FBXO36: variants seen among roughly 807,000 people sequenced by gnomAD.
FBXO36 encodes F-box protein 36.
A neutral mutation model predicts 17.0 loss-of-function variants in FBXO36; 18 were observed. That is an observed-to-expected ratio of 1.06 (90% CI 0.73 to 1.57). The LOEUF is 1.57. FBXO36 is among the 40% of genes most tolerant of loss of function. The pLI, the probability that FBXO36 is intolerant of heterozygous loss-of-function variation, is 0.00. For missense variants in FBXO36, 229 were observed against 221.9 expected (o/e 1.03, Z -0.20); for synonymous variants, 83 against 85.3 (o/e 0.97, Z 0.15).
intron 1 of FBXO36, among the ~76,000 whole-genome samples, chr2:229,954,779 C>T (rs1055293723): frequency 6.7e-5 from 10 of 150,074 alleles, no homozygotes; most frequent in Non-Finnish European, 1.3e-4. Flanking sequence ...AATCTCCTGA[C>T]CTCGTGATCC....
intron 1 of FBXO36, among the ~76,000 whole-genome samples, chr2:229,933,892 G>T (rs1006963298): frequency 6.6e-6 from 1 of 151,792 alleles, no homozygotes; most frequent in African/African-American, 2.4e-5. Context: ...TGCCATGTTG[G>T]CCAGGCTGGT....
intron 3 of FBXO36, among the ~76,000 whole-genome samples, chr2:230,001,709 G>A (rs2077359758): frequency 6.6e-6 from 1 of 152,168 alleles, no homozygotes; most frequent in South Asian, 2.1e-4. Flanking sequence ...CTTTACCTCA[G>A]GGAGGGAGTT....
At chr2:229,951,117 T>C (rs2077055346) in intron 1 of FBXO36, among the ~76,000 whole-genome samples, 1 of 151,614 alleles carries the variant, frequency 6.6e-6, no homozygotes, top group Admixed American at 6.6e-5. Context: ...GTATTTTTAG[T>C]AGAGACAGGG....
In FBXO36 at chr2:230,011,904, G is replaced by A. The variant is rs1372113882; in HGVS notation, c.*1020G>A. On this transcript the variant is annotated 3_prime_UTR_variant, in exon 4 of 4. Transcript: ENST00000283946. The stretch of plus-strand genomic sequence containing the variant: ...TGTTAACATGGCAGAGGGGTAAAAA[G>A]AATACAGTCCTGGGGAGAAAGGTCA... The A allele has an allele frequency of 6.6e-6, 1 of 150,966 alleles. No individual in the cohort carries two copies. Among genetic ancestry groups the A allele is most frequent in the Non-Finnish European group, 1.5e-5 (1 of 68,018 alleles). The allele number at this position is 150,966 out of a possible 1,614,324, so 9.4% of individuals were successfully genotyped here.
chr2:229,961,515 A>G (rs2077120977), intron 1 of FBXO36, among the ~76,000 whole-genome samples: 1 of 152,114 alleles, frequency 6.6e-6, no homozygotes, highest in Admixed American at 6.6e-5. Context: ...AGCTGGAACT[A>G]CGGGCGCATG....
At chr2:229,936,732 G>C (rs750688279) in intron 1 of FBXO36, among the ~76,000 whole-genome samples, 3 of 152,060 alleles carry the variant, frequency 2.0e-5, no homozygotes, top group Non-Finnish European at 4.4e-5. Flanking sequence ...TGAGCCAAGC[G>C]TGGTGGCATG....
chr2:230,001,565 G>T (rs533803893), intron 3 of FBXO36, among the ~76,000 whole-genome samples: 12 of 152,258 alleles, frequency 7.9e-5, no homozygotes, highest in African/African-American at 2.6e-4. Context: ...TGGGATTGCA[G>T]GCATGAGCCA....
chr2:229,995,578 C>G (rs1315486771), intron 2 of FBXO36, among the ~76,000 whole-genome samples: 5 of 111,524 alleles, frequency 4.5e-5, no homozygotes, highest in African/African-American at 1.2e-4. Flanking sequence ...TTCTTTCTTT[C>G]TTTCTCTTTC....
intron 2 of FBXO36, among the ~76,000 whole-genome samples, chr2:229,995,534 C>A (rs949703049): frequency 6.7e-6 from 1 of 149,856 alleles, no homozygotes; most frequent in Middle Eastern, 3.2e-3. Flanking sequence ...CTCTTTGCCT[C>A]TTTATATTTT....
At chr2:229,945,709 GT>G (rs1311323611) in intron 1 of FBXO36, among the ~76,000 whole-genome samples, 4 of 152,078 alleles carry the variant, frequency 2.6e-5, no homozygotes, top group African/African-American at 9.6e-5. Flanking sequence ...AAATATTCTT[GT>G]TTGGGATAGA....
chr2:229,931,820 C>G (rs184927403), intron 1 of FBXO36, among the ~76,000 whole-genome samples: 1 of 152,038 alleles, frequency 6.6e-6, no homozygotes, highest in African/African-American at 2.4e-5. Context: ...GCCTGGGCGA[C>G]AGAGTGAGAC....
intron 1 of FBXO36, among the ~76,000 whole-genome samples, chr2:229,951,970 G>T (rs1053600029): frequency 1.3e-5 from 2 of 151,910 alleles, no homozygotes; most frequent in Non-Finnish European, 2.9e-5. Flanking sequence ...TTTGCACTGT[G>T]GTCATGGCTA....
intron 1 of FBXO36, among the ~76,000 whole-genome samples, chr2:229,930,975 G>C (rs2076935912): frequency 6.6e-6 from 1 of 152,126 alleles, no homozygotes; most frequent in Non-Finnish European, 1.5e-5. Context: ...TTATTCTTCT[G>C]TTCCTCATGT....
At chr2:229,974,362 G>A (rs2106193186) in intron 1 of FBXO36, among the ~76,000 whole-genome samples, 1 of 152,318 alleles carries the variant, frequency 6.6e-6, no homozygotes, top group East Asian at 1.9e-4. Context: ...CCAGTGGGAA[G>A]CTTATCTGTG....
chr2:229,955,385 A>G (rs2106176572), intron 1 of FBXO36, among the ~76,000 whole-genome samples: 1 of 152,124 alleles, frequency 6.6e-6, no homozygotes, highest in Middle Eastern at 3.4e-3. Flanking sequence ...GCATGCTGGC[A>G]CTTGCCTGTA....
chr2:230,003,716 T>G (rs1291091634), intron 3 of FBXO36, among the ~76,000 whole-genome samples: 1 of 152,126 alleles, frequency 6.6e-6, no homozygotes, highest in Non-Finnish European at 1.5e-5. Context: ...GTATTTTTAG[T>G]AGAGACAGGG....
chr2:229,958,217 T>TG (rs2077100407), intron 1 of FBXO36, among the ~76,000 whole-genome samples: 4 of 22,018 alleles, frequency 1.8e-4, no homozygotes. Flanking sequence ...ACCTTTACAA[T>TG]TTTTTTTTGT....
Position 230,006,493 on chromosome 2 carries a change from G to A in FBXO36, c.379-4203G>A, listed in dbSNP as rs183244230. On this transcript the variant is annotated intron_variant, in intron 3 of 3. Coordinates refer to ENST00000283946, the MANE Select transcript of FBXO36 (RefSeq NM_174899.5). ...CCCTCAGGCACCCGACTGCTGGACC[G>A]AGTGATATATGGATACACTTCAGGG... 1.2e-4 allele frequency among the ~76,000 whole-genome samples: 18 copies of A among 152,298 alleles called. No homozygotes were observed. In the South Asian group the frequency reaches 2.5e-3, roughly 21 times the overall value.
chr2:229,979,636 C>G (rs982203305), intron 2 of FBXO36, among the ~76,000 whole-genome samples: 1 of 151,308 alleles, frequency 6.6e-6, no homozygotes, highest in Non-Finnish European at 1.5e-5. Context: ...AAAAATTAGC[C>G]GGGTGTGGTT....
Sources: gnomAD v4.1 joint callset for allele counts (sites outside exome capture counted in the v4.1 genomes callset) on GRCh38, gnomAD v4.1.1 for gene constraint, MANE v1.5 for transcripts, NCBI Gene and HGNC (gene_info 2026-07-23, HGNC 2026-07-21) for gene names.